SNX14: variants seen among roughly 807,000 people sequenced by gnomAD.
The protein encoded by SNX14 is sorting nexin-14.
In SNX14, 93 loss-of-function variants were observed where a neutral mutation model predicts 133.8. The observed-to-expected ratio is 0.70, with a 90% CI of 0.59 to 0.83. The LOEUF (loss-of-function observed/expected upper bound fraction) is 0.83, where lower values mean the gene tolerates loss of function less well. Among genes scored for constraint, SNX14 ranks in the 40% least tolerant of loss-of-function variants. SNX14 has a pLI of 0.00. For synonymous variants in SNX14, 368 were observed against 365.6 expected (o/e 1.01, Z -0.07); for missense variants, 945 against 1,094.9 (o/e 0.86, Z 1.93).
intron 16 of SNX14, among the ~76,000 whole-genome samples, chr6:85,537,583 G>A (rs1782337631): frequency 6.6e-6 from 1 of 152,148 alleles, no homozygotes; most frequent in Non-Finnish European, 1.5e-5. Flanking sequence ...TAAGCCAAAA[G>A]TAGCAAAAAT....
intron 18 of SNX14, among the ~76,000 whole-genome samples, chr6:85,530,940 T>G (rs1283762035): frequency 1.3e-5 from 2 of 152,318 alleles, no homozygotes; most frequent in East Asian, 3.9e-4. Flanking sequence ...GTTTCTCAAA[T>G]ATTTACCATA....
chr6:85,535,072 A>T (rs1289468762), intron 17 of SNX14, among the ~76,000 whole-genome samples: 3 of 142,432 alleles, frequency 2.1e-5, no homozygotes, highest in African/African-American at 5.4e-5. Context: ...TCTGTTACCC[A>T]GGCTGTAGTA....
rs1029097984 is a variant in SNX14 at position 85,567,562 on chromosome 6, A to G, written c.433T>C (p.Leu145=). 7.9e-6 allele frequency: 12 copies of G among 1,511,680 alleles called. No individual in the cohort carries two copies. Among genetic ancestry groups the G allele is most frequent in the Non-Finnish European group, 9.6e-6 (11 of 1,140,614 alleles). 93.6% of individuals were successfully genotyped at this position (1,511,680 alleles called of 1,614,324 possible). ...TACCACGGATAAACAAAGTTTTCCA[A>G]CACTAATTCAAGAACCTGCATAAAC... ...ASLSEVLELV[L]ENFVYPWYRD... The change falls in exon 5 of 29, where the codon TTG becomes CTG. Residue 145 remains leucine, a synonymous_variant. Transcript: ENST00000314673.
intron 19 of SNX14, 113 bp downstream of exon 19, chr6:85,530,079 A>G (rs554527404): frequency 1.1e-5 from 7 of 617,012 alleles, no homozygotes; most frequent in South Asian, 6.0e-5. Flanking sequence ...ACAAGCATCA[A>G]TGTTGTATTT....
intron 23 of SNX14, 186 bp downstream of exon 23, chr6:85,517,570 A>T (rs1269477128): frequency 3.9e-6 from 2 of 518,438 alleles, no homozygotes; most frequent in Non-Finnish European, 6.0e-6. Flanking sequence ...CATTTACCAC[A>T]TTAAAGCAAA....
intron 26 of SNX14, among the ~76,000 whole-genome samples, chr6:85,511,587 A>C (rs1037018948): frequency 1.3e-5 from 2 of 152,064 alleles, no homozygotes; most frequent in Admixed American, 6.6e-5. Context: ...CTCTCTTCCT[A>C]GTTTGCTGAG....
At chr6:85,589,225 CTTTTTTTTTTT>C in intron 1 of SNX14, 1 of 130,240 alleles carries the variant, frequency 7.7e-6, no homozygotes, top group South Asian at 1.9e-4. Flanking sequence ...TCTGGCACCA[CTTTTTTTTTTT>C]TTTTTTTTTT....
rs1782163077 is a variant in SNX14 at position 85,536,983 on chromosome 6, A to G, written c.1476-59T>C. Reference sequence around the variant, plus strand: ...GCAAATTATCACAACAGTCTAGTTTATTGAAAACCATTATTAAAAAAAAGA... The same window carrying G: ...GCAAATTATCACAACAGTCTAGTTTGTTGAAAACCATTATTAAAAAAAAGA... On this transcript the variant is annotated intron_variant, in intron 16 of 28. Transcript: ENST00000314673. The G allele has an allele frequency of 6.9e-6, 10 of 1,448,226 alleles. No homozygotes were observed. In the East Asian group the frequency reaches 2.3e-4, roughly 34 times the overall value. The allele number at this position is 1,448,226 out of a possible 1,614,324, so 89.7% of individuals were successfully genotyped here.
chr6:85,527,456 TA>T (rs1279479945), intron 20 of SNX14, among the ~76,000 whole-genome samples: 1 of 152,026 alleles, frequency 6.6e-6, no homozygotes, highest in African/African-American at 2.4e-5. Flanking sequence ...AAATAAAGTG[TA>T]AATACTCCTT....
At chr6:85,509,437 C>A (rs898736963) in intron 26 of SNX14, among the ~76,000 whole-genome samples, 1 of 152,156 alleles carries the variant, frequency 6.6e-6, no homozygotes, top group Admixed American at 6.5e-5. Flanking sequence ...ATTATTTTCA[C>A]AAGGAAGAGC....
intron 7 of SNX14, among the ~76,000 whole-genome samples, chr6:85,550,175 G>A (rs948729099): frequency 6.6e-6 from 1 of 152,156 alleles, no homozygotes; most frequent in African/African-American, 2.4e-5. Flanking sequence ...CCCAGGAGGC[G>A]GAGGTTGCAA....
chr6:85,526,027 A>C, intron 21 of SNX14, 99 bp downstream of exon 21: 1 of 662,256 alleles, frequency 1.5e-6, no homozygotes, highest in Non-Finnish European at 2.4e-6. Context: ...GGGCCCTCGG[A>C]GTTTACCATA....
intron 1 of SNX14, among the ~76,000 whole-genome samples, chr6:85,586,179 C>G (rs1800797621): frequency 6.6e-6 from 1 of 152,136 alleles, no homozygotes; most frequent in Admixed American, 6.6e-5. Context: ...GAGGAGGGAT[C>G]TTCCAGATCA....
chr6:85,581,244 G>A (rs1206230512), intron 1 of SNX14: 1 of 152,162 alleles, frequency 6.6e-6, no homozygotes, highest in Non-Finnish European at 1.5e-5. Flanking sequence ...CCACCAAGGA[G>A]GTACCTCTGT....
chr6:85,578,138 A>G (rs1033854295), intron 1 of SNX14, among the ~76,000 whole-genome samples: 6 of 152,228 alleles, frequency 3.9e-5, no homozygotes, highest in Admixed American at 1.3e-4. Flanking sequence ...AGTACAAAAA[A>G]AGAAATAATG....
chr6:85,587,742 G>A (rs768287947), intron 1 of SNX14, among the ~76,000 whole-genome samples: 1 of 151,964 alleles, frequency 6.6e-6, no homozygotes, highest in African/African-American at 2.4e-5. Flanking sequence ...AATTACAGGC[G>A]TGAGCCACCA....
At chr6:85,556,511 C>A (rs532318453) in intron 7 of SNX14, among the ~76,000 whole-genome samples, 2 of 145,858 alleles carry the variant, frequency 1.4e-5, no homozygotes, top group East Asian at 4.0e-4. Flanking sequence ...TGCTCTATCA[C>A]CCAGGCTGGA....
At chr6:85,556,765 T>A (rs888026353) in intron 7 of SNX14, among the ~76,000 whole-genome samples, 1 of 152,122 alleles carries the variant, frequency 6.6e-6, no homozygotes, top group Non-Finnish European at 1.5e-5. Context: ...AACCTTTTTT[T>A]AAACTATGTT....
At chr6:85,546,968 A>AC in intron 12 of SNX14, 144 bp downstream of exon 12, 1 of 342,446 alleles carries the variant, frequency 2.9e-6, no homozygotes, top group East Asian at 6.5e-5. Flanking sequence ...CCTCAAACAA[A>AC]AAAAAAAAAA....
Sources: gnomAD v4.1 joint callset for allele counts (sites outside exome capture counted in the v4.1 genomes callset) on GRCh38, gnomAD v4.1.1 for gene constraint, MANE v1.5 for transcripts, NCBI Gene and HGNC (gene_info 2026-07-23, HGNC 2026-07-21) for gene names.